Variants in ZNF367 observed in about 807,000 individuals in gnomAD.
ZNF367 encodes the protein C2H2 zinc finger protein ZFF29.
A neutral mutation model predicts 31.8 loss-of-function variants in ZNF367; 11 were observed. That is an observed-to-expected ratio of 0.35 (90% CI 0.22 to 0.57). The LOEUF (loss-of-function observed/expected upper bound fraction) is 0.57. ZNF367 is among the 20% of genes least tolerant of loss of function. ZNF367 has a pLI of 0.85. For missense variants in ZNF367, 353 were observed against 484.1 expected (o/e 0.73, Z 2.54); for synonymous variants, 199 against 202.4 (o/e 0.98, Z 0.14).
chr9:96,409,152 G>T (rs1335491063), intron 1 of ZNF367, among the ~76,000 whole-genome samples: 2 of 152,040 alleles, frequency 1.3e-5, no homozygotes, highest in Admixed American at 6.6e-5. Context: ...GCCTTGATTC[G>T]AAGCTCCCTG....
intron 4 of ZNF367, 119 bp downstream of exon 4, chr9:96,392,279 T>G (rs778468730): frequency 6.9e-7 from 1 of 1,457,726 alleles, no homozygotes; most frequent in Non-Finnish European, 9.5e-7. Context: ...CATTTCTAAT[T>G]ATGTTATAAA....
At chr9:96,413,433 G>A in intron 1 of ZNF367, among the ~76,000 whole-genome samples, 1 of 152,126 alleles carries the variant, frequency 6.6e-6, no homozygotes, top group Non-Finnish European at 1.5e-5. Context: ...ATTCGTAACA[G>A]TATGTACAGT....
chr9:96,406,242 T>C (rs1240941663), intron 1 of ZNF367, among the ~76,000 whole-genome samples: 2 of 152,168 alleles, frequency 1.3e-5, no homozygotes, highest in South Asian at 4.1e-4. Context: ...ACTTCTAAAA[T>C]GAAGATGCTT....
intron 1 of ZNF367, among the ~76,000 whole-genome samples, chr9:96,414,989 G>T (rs985044939): frequency 2.7e-5 from 4 of 150,526 alleles, no homozygotes; most frequent in African/African-American, 9.8e-5. Context: ...CTAATTTAGT[G>T]TTTTTTTTAA....
chr9:96,404,236 G>T (rs904647290), intron 1 of ZNF367, among the ~76,000 whole-genome samples: 10 of 152,024 alleles, frequency 6.6e-5, no homozygotes, highest in Admixed American at 1.3e-4. Flanking sequence ...CGAGGCGGGC[G>T]GATCACGAGG....
intron 1 of ZNF367, among the ~76,000 whole-genome samples, chr9:96,403,396 C>A (rs1355619675): frequency 6.6e-6 from 1 of 152,194 alleles, no homozygotes; most frequent in African/African-American, 2.4e-5. Context: ...AATTAGATGA[C>A]TTAAAATTGA....
rs780847869 is a variant in ZNF367 at position 96,392,432 on chromosome 9, C to T, written c.796G>A (p.Ala266Thr). 5.6e-6 allele frequency: 9 copies of T among 1,614,242 alleles called. No individual in the cohort carries two copies. The highest frequency in any genetic ancestry group is 5.9e-6 in the Non-Finnish European group (7 of 1,180,040). The stretch of plus-strand genomic sequence containing the variant: ...CACTCGGCCGCGGCCTTGTTGTCGG[C>T]AGCCTGATGTTTGCTGAGTGTGTCC... ...PTDTLSKHQA[A>T]DNKAAAEWLA... The change falls in exon 4 of 5, where the codon GCC becomes ACC. Residue 266 changes from alanine (A) to threonine (T), a missense_variant. Coordinates refer to ENST00000375256, the MANE Select transcript of ZNF367 (RefSeq NM_153695.4).
chr9:96,391,752 A>G (rs1246230764), intron 4 of ZNF367, among the ~76,000 whole-genome samples: 1 of 152,122 alleles, frequency 6.6e-6, no homozygotes, highest in Non-Finnish European at 1.5e-5. Flanking sequence ...ACTAACATCT[A>G]TCCCTGGTGT....
At chr9:96,414,813 A>G (rs1355888757) in intron 1 of ZNF367, among the ~76,000 whole-genome samples, 1 of 152,176 alleles carries the variant, frequency 6.6e-6, no homozygotes, top group Non-Finnish European at 1.5e-5. Flanking sequence ...GGGTAAGGAC[A>G]AGTCTGTTTT....
intron 1 of ZNF367, among the ~76,000 whole-genome samples, chr9:96,402,897 A>AAGT (rs1325777513): frequency 6.6e-6 from 1 of 152,152 alleles, no homozygotes; most frequent in Non-Finnish European, 1.5e-5. Context: ...AAAGCATTCC[A>AAGT]AGTATCTTCT....
At chr9:96,409,898 A>C (rs1831719945) in intron 1 of ZNF367, among the ~76,000 whole-genome samples, 1 of 152,228 alleles carries the variant, frequency 6.6e-6, no homozygotes, top group African/African-American at 2.4e-5. Context: ...GTACAAAATA[A>C]ATATAAAAGA....
rs554273328 is a variant in ZNF367, at chr9:96,393,484, G to A, written c.692-948C>T. 2.6e-5 allele frequency among the ~76,000 whole-genome samples: 4 copies of A among 151,706 alleles called. No homozygotes were observed. The South Asian group carries it at 8.3e-4, about 32-fold the overall frequency. Reference sequence around the variant, plus strand: ...TTCAGTGAGCCAAGATCGTGCCACTGTACTCCAGCCTGGGCGAAAAGTGAG... The same window carrying A: ...TTCAGTGAGCCAAGATCGTGCCACTATACTCCAGCCTGGGCGAAAAGTGAG... On this transcript the variant is annotated intron_variant, in intron 3 of 4. Coordinates refer to ENST00000375256, the MANE Select transcript of ZNF367 (RefSeq NM_153695.4).
At chr9:96,415,401 C>A (rs949548237) in intron 1 of ZNF367, among the ~76,000 whole-genome samples, 1 of 148,962 alleles carries the variant, frequency 6.7e-6, no homozygotes, top group Non-Finnish European at 1.5e-5. Context: ...TAGGGGATAC[C>A]TAGAGGCAGC....
chr9:96,412,047 T>C (rs1285833810), intron 1 of ZNF367, among the ~76,000 whole-genome samples: 1 of 152,204 alleles, frequency 6.6e-6, no homozygotes, highest in Non-Finnish European at 1.5e-5. Flanking sequence ...AATAATCATA[T>C]AATGCCCTAA....
chr9:96,393,011 G>A (rs1446507415), intron 3 of ZNF367, among the ~76,000 whole-genome samples: 2 of 152,172 alleles, frequency 1.3e-5, no homozygotes, highest in Non-Finnish European at 2.9e-5. Flanking sequence ...CTTGAACCCA[G>A]GAGGCAGAGG....
rs1554721843 is a variant in ZNF367 at position 96,417,445 on chromosome 9, C to CCA, written c.420+167_420+168insTG. 2.5e-5 allele frequency among the ~76,000 whole-genome samples: 2 copies of CCA among 79,376 alleles called. No homozygotes were observed. Among genetic ancestry groups the CCA allele is most frequent in the African/African-American group, 2.8e-4 (2 of 7,240 alleles). 52.1% of individuals were successfully genotyped at this position (79,376 alleles called of 152,430 possible). A position where few individuals can be genotyped will look rare whatever the true frequency, so the allele number is the denominator to read the frequency against. On this transcript the variant is annotated intron_variant, in intron 1 of 4. Coordinates refer to ENST00000375256, the MANE Select transcript of ZNF367 (RefSeq NM_153695.4). This position sits in a 1 kb window ranked among gnomAD's most constrained non-coding sequence, Gnocchi z 5.0. The stretch of plus-strand genomic sequence containing the variant: ...CGCCTGTCACGTGACAGGCCCCCCC[C>CCA]GACTGGGGCCGGTTTTTGGCGCGCG...
Position 96,417,662 on chromosome 9 carries a change from C to CCCGAGGCGGCGGCGGAGG in ZNF367, c.353_370dup (p.Ala118_Ser123dup). On this transcript the variant is annotated inframe_insertion, in exon 1 of 5. Coordinates refer to ENST00000375256, the MANE Select transcript of ZNF367 (RefSeq NM_153695.4). This position sits in a 1 kb window ranked among gnomAD's most constrained non-coding sequence, Gnocchi z 5.0. The stretch of plus-strand genomic sequence containing the variant: ...GCTCGCTTCCTCCTCGTCCTCACCT[C>CCCGAGGCGGCGGCGGAGG]CCGAGGCGGCGGCGGAGGCCGAGGC... 2 of 1,012,654 alleles carry CCCGAGGCGGCGGCGGAGG rather than the reference C, an allele frequency of 2.0e-6. No individual in the cohort carries two copies. Among genetic ancestry groups the CCCGAGGCGGCGGCGGAGG allele is most frequent in the Non-Finnish European group, 2.5e-6 (2 of 795,542 alleles). 62.7% of individuals were successfully genotyped at this position (1,012,654 alleles called of 1,614,324 possible).
Position 96,387,320 on chromosome 9 carries a change from T to C in ZNF367, c.*917A>G, listed in dbSNP as rs1461834610. 6.6e-6 allele frequency: 1 copy of C among 152,194 alleles called. No individual in the cohort carries two copies. Among genetic ancestry groups the C allele is most frequent in the Non-Finnish European group, 1.5e-5 (1 of 68,020 alleles). The allele number at this position is 152,194 out of a possible 1,614,324, so 9.4% of individuals were successfully genotyped here. On this transcript the variant is annotated 3_prime_UTR_variant, in exon 5 of 5. Coordinates refer to ENST00000375256, the MANE Select transcript of ZNF367 (RefSeq NM_153695.4). ...TTCTAAACAAGCAGTACAATTAAAA[T>C]GTAGTGTTTGCTAACAAAAGATCTA...
intron 3 of ZNF367, 47 bp from the exon 4 acceptor site, chr9:96,392,583 C>T: frequency 6.5e-7 from 1 of 1,542,738 alleles, no homozygotes; most frequent in Non-Finnish European, 8.8e-7. Context: ...ACATCCAGCA[C>T]ATAGACATGT....
Sources: gnomAD v4.1 joint callset for allele counts (sites outside exome capture counted in the v4.1 genomes callset) on GRCh38, gnomAD v4.1.1 for gene constraint, Gnocchi (gnomAD v3.1) non-coding constraint, MANE v1.5 for transcripts, NCBI Gene and HGNC (gene_info 2026-07-23, HGNC 2026-07-21) for gene names.